Variants in FAM234B observed in about 807,000 individuals in gnomAD.
FAM234B encodes the protein family with sequence similarity 234 member B.
FAM234B carries 33 observed loss-of-function variants against 69.3 expected under a neutral mutation model. The ratio of observed to expected loss-of-function variants is 0.48; its 90% CI spans 0.36 to 0.64. The LOEUF is 0.64. FAM234B is among the 30% of genes least tolerant of loss of function. The pLI, the probability that FAM234B is intolerant of heterozygous loss-of-function variation, is 0.00. For synonymous variants in FAM234B, 306 were observed against 306.9 expected (o/e 1.00, Z 0.03); for missense variants, 697 against 769.7 (o/e 0.91, Z 1.12).
Position 13,044,400 on chromosome 12 carries a change from A to G in FAM234B, c.-4A>G. The G allele has an allele frequency of 6.4e-7, 1 of 1,551,494 alleles. No individual in the cohort carries two copies. ...GCGCGCGCACGCGCACCGGGGCCTC[A>G]GCCATGGCGACCGTGCTGTCCAGGG... On this transcript the variant is annotated 5_prime_UTR_variant, in exon 1 of 13. Transcript: ENST00000197268. This position sits in a 1 kb window ranked among gnomAD's most constrained non-coding sequence, Gnocchi z 5.6.
intron 9 of FAM234B, among the ~76,000 whole-genome samples, 179 bp downstream of exon 9, chr12:13,068,890 A>G (rs1250655524): frequency 6.6e-6 from 1 of 152,210 alleles, no homozygotes; most frequent in Admixed American, 6.5e-5. Flanking sequence ...TAAAATCTGT[A>G]GCACTGGAAG....
intron 5 of FAM234B, among the ~76,000 whole-genome samples, chr12:13,063,536 G>A (rs1243127847): frequency 1.3e-5 from 2 of 152,188 alleles, no homozygotes; most frequent in Non-Finnish European, 1.5e-5. Context: ...AATGACCAAA[G>A]AAAGGAGTGT....
At chr12:13,071,162 C>T (rs1000649186) in intron 9 of FAM234B, 79 bp from the exon 10 acceptor site, 3 of 1,456,252 alleles carry the variant, frequency 2.1e-6, no homozygotes, top group African/African-American at 2.8e-5. Flanking sequence ...AATACCTGTG[C>T]ATTTTTGTGT....
chr12:13,047,407 G>T (rs966526780), intron 1 of FAM234B, among the ~76,000 whole-genome samples: 2 of 152,172 alleles, frequency 1.3e-5, no homozygotes, highest in Non-Finnish European at 2.9e-5. Context: ...ACTAACCCAT[G>T]ATATGAATTA....
chr12:13,054,974 A>G (rs4763923), intron 1 of FAM234B, among the ~76,000 whole-genome samples: 36,071 of 152,152 alleles, frequency 0.24, 5,189 homozygotes, highest in East Asian at 0.53. Flanking sequence ...AAGGGCATTC[A>G]AATCACAGGA....
intron 11 of FAM234B, among the ~76,000 whole-genome samples, chr12:13,079,540 G>T (rs935686951): frequency 5.3e-5 from 8 of 152,176 alleles, no homozygotes; most frequent in African/African-American, 1.9e-4. Context: ...TTCCTGAGTT[G>T]GGCTTTTTTG....
chr12:13,052,178 A>C (rs1864883751), intron 1 of FAM234B, among the ~76,000 whole-genome samples: 1 of 152,178 alleles, frequency 6.6e-6, no homozygotes, highest in East Asian at 1.9e-4. Flanking sequence ...GATAATTGGC[A>C]ACTTCCCAGA....
chr12:13,071,547 C>G (rs1216314785), intron 10 of FAM234B, 151 bp downstream of exon 10: 2 of 695,090 alleles, frequency 2.9e-6, no homozygotes, highest in South Asian at 2.0e-5. Context: ...AAGCAGGAAC[C>G]CTGTGTCCTC....
At chr12:13,075,973 C>T (rs758306704) in intron 10 of FAM234B, 53 bp from the exon 11 acceptor site, 32 of 1,269,594 alleles carry the variant, frequency 2.5e-5, no homozygotes, top group South Asian at 7.1e-5. Context: ...AGGACTGTCA[C>T]GTGTGGGAAT....
chr12:13,051,933 A>G (rs1005849196), intron 1 of FAM234B, among the ~76,000 whole-genome samples: 1 of 152,240 alleles, frequency 6.6e-6, no homozygotes, highest in African/African-American at 2.4e-5. Context: ...TCACAATCAT[A>G]TGAGCTAAAA....
chr12:13,052,474 A>G (rs181306133), intron 1 of FAM234B, among the ~76,000 whole-genome samples: 17 of 152,300 alleles, frequency 1.1e-4, no homozygotes, highest in Admixed American at 1.0e-3. Flanking sequence ...TACATACACC[A>G]TAAAATTTAC....
chr12:13,072,166 C>T (rs1227414984), intron 10 of FAM234B, among the ~76,000 whole-genome samples: 2 of 152,162 alleles, frequency 1.3e-5, no homozygotes, highest in African/African-American at 4.8e-5. Context: ...GGGAACCTGA[C>T]GGAGGCAGGA....
chr12:13,076,231 A>G, intron 11 of FAM234B, 88 bp downstream of exon 11: 3 of 1,000,856 alleles, frequency 3.0e-6, no homozygotes, highest in Non-Finnish European at 4.7e-6. Context: ...TGCCCCACCC[A>G]GGGAAGGATG....
At chr12:13,069,092 T>C (rs1300234371) in intron 9 of FAM234B, among the ~76,000 whole-genome samples, 1 of 152,156 alleles carries the variant, frequency 6.6e-6, no homozygotes, top group Non-Finnish European at 1.5e-5. Context: ...TGGAAGACCT[T>C]ATAAAGGAGG....
intron 1 of FAM234B, among the ~76,000 whole-genome samples, chr12:13,053,046 C>G (rs1454983316): frequency 1.3e-5 from 2 of 152,134 alleles, no homozygotes; most frequent in Non-Finnish European, 2.9e-5. Flanking sequence ...GGAACCTGTA[C>G]TGACCCCATG....
chr12:13,079,052 A>T (rs551400802), intron 11 of FAM234B, among the ~76,000 whole-genome samples: 2 of 152,214 alleles, frequency 1.3e-5, no homozygotes, highest in African/African-American at 4.8e-5. Flanking sequence ...TAAAGTTCAT[A>T]TGGAACCAAA....
In FAM234B at chr12:13,055,987, A is replaced by C. The variant is rs574121849; in HGVS notation, c.433+41A>C. 440 of 1,489,008 alleles carry C rather than the reference A, an allele frequency of 3.0e-4. 5 individuals are homozygous for C. The South Asian group carries it at 5.8e-3, about 20-fold the overall frequency. 92.2% of individuals were successfully genotyped at this position (1,489,008 alleles called of 1,614,324 possible). A position where few individuals can be genotyped will look rare whatever the true frequency, so the allele number is the denominator to read the frequency against. ...TTCAGCCCTAATCCTGTGAAACTTC[A>C]TGCTATGTCTGATTACATTTAAATT... On this transcript the variant is annotated intron_variant, in intron 2 of 12. Coordinates refer to ENST00000197268, the MANE Select transcript of FAM234B (RefSeq NM_020853.2).
intron 5 of FAM234B, among the ~76,000 whole-genome samples, chr12:13,066,213 C>G (rs547986147): frequency 1.3e-5 from 2 of 152,270 alleles, no homozygotes; most frequent in East Asian, 3.9e-4. Flanking sequence ...TTGATGGTGT[C>G]CAGGCCCGAC....
At chr12:13,063,023 AT>A in intron 5 of FAM234B, 48 bp downstream of exon 5, 1 of 1,595,028 alleles carries the variant, frequency 6.3e-7, no homozygotes, top group Non-Finnish European at 8.6e-7. Context: ...GACTGCTTCT[AT>A]TTTAGTTGTC....
Sources: allele counts gnomAD v4.1 joint callset (sites outside exome capture counted in the v4.1 genomes callset), GRCh38; gene constraint gnomAD v4.1.1; non-coding constraint Gnocchi (gnomAD v3.1); transcripts MANE v1.5; gene names NCBI Gene and HGNC (gene_info 2026-07-23, HGNC 2026-07-21).